The following VWF variants were observed in gnomAD, a reference collection of about 807,000 sequenced individuals.
The protein encoded by VWF is von Willebrand factor, also known as Factor VIII related antigen.
VWF carries 176 observed loss-of-function variants against 308.6 expected under a neutral mutation model. The ratio of observed to expected loss-of-function variants is 0.57; its 90% CI spans 0.50 to 0.65. The LOEUF (loss-of-function observed/expected upper bound fraction) is 0.65. Among genes scored for constraint, VWF ranks in the 30% least tolerant of loss-of-function variants. VWF has a pLI of 0.00. For synonymous variants in VWF, 1,385 were observed against 1,443.4 expected (o/e 0.96, Z 0.92); for missense variants, 3,146 against 3,648.2 (o/e 0.86, Z 3.55).
At chr12:6,041,530 C>T (rs1193441887) in intron 18 of VWF, among the ~76,000 whole-genome samples, 2 of 151,864 alleles carry the variant, frequency 1.3e-5, no homozygotes, top group Non-Finnish European at 2.9e-5. Context: ...CTCACTGCAA[C>T]CTCCGCCTCC....
intron 10 of VWF, among the ~76,000 whole-genome samples, chr12:6,070,512 G>C (rs1944767889): frequency 6.6e-6 from 1 of 152,218 alleles, no homozygotes; most frequent in South Asian, 2.1e-4. Flanking sequence ...GTGTGACTTT[G>C]GGCAAGTCAT....
intron 34 of VWF, among the ~76,000 whole-genome samples, chr12:6,003,703 A>G (rs1349922833): frequency 6.6e-6 from 1 of 152,124 alleles, no homozygotes; most frequent in South Asian, 2.1e-4. Context: ...GAAGGGGGAA[A>G]TGGGGTATCA....
At chr12:6,069,988 T>TAAA (rs995393934) in intron 10 of VWF, among the ~76,000 whole-genome samples, 1 of 152,198 alleles carries the variant, frequency 6.6e-6, no homozygotes, top group African/African-American at 2.4e-5. Context: ...TACAAACGTC[T>TAAA]AAAAAAACAC....
At chr12:5,987,778 T>C (rs945688559) in intron 38 of VWF, among the ~76,000 whole-genome samples, 1 of 152,194 alleles carries the variant, frequency 6.6e-6, no homozygotes, top group Admixed American at 6.5e-5. Flanking sequence ...TTATGTGAAA[T>C]TCCAGAAAAT....
At chr12:6,003,364 T>C (rs764479135) in intron 34 of VWF, among the ~76,000 whole-genome samples, 5 of 152,012 alleles carry the variant, frequency 3.3e-5, no homozygotes, top group Non-Finnish European at 7.4e-5. Flanking sequence ...GAGCAGAGTT[T>C]TGTCTGTTAC....
Position 6,110,783 on chromosome 12 carries a change from G to C in VWF, c.323+83C>G, listed in dbSNP as rs1945299515. ...TGGAACATTTGCTTCCATTCTCTGGGCCCCAGCTTCCTCATCTAAAAATGA... is the reference window on the plus strand; with the variant it reads ...TGGAACATTTGCTTCCATTCTCTGGCCCCCAGCTTCCTCATCTAAAAATGA... On this transcript the variant is annotated intron_variant, in intron 4 of 51. Transcript: ENST00000261405. 6.1e-6 allele frequency: 9 copies of C among 1,468,718 alleles called. No homozygotes were observed. The South Asian group carries it at 1.0e-4, about 17-fold the overall frequency. The allele number at this position is 1,468,718 out of a possible 1,614,324, so 91.0% of individuals were successfully genotyped here. A position where few individuals can be genotyped will look rare whatever the true frequency, so the allele number is the denominator to read the frequency against.
intron 39 of VWF, 45 bp downstream of exon 39, chr12:5,985,518 G>GC: frequency 1.3e-6 from 2 of 1,586,586 alleles, no homozygotes; most frequent in Non-Finnish European, 1.7e-6. Context: ...CCTTGCAGGG[G>GC]CCCTTGTTCC....
chr12:5,986,956 C>T (rs886297406), intron 38 of VWF, among the ~76,000 whole-genome samples: 3 of 152,200 alleles, frequency 2.0e-5, no homozygotes, highest in African/African-American at 4.8e-5. Context: ...GAGACAGAGT[C>T]GCACTCTCTC....
intron 3 of VWF, among the ~76,000 whole-genome samples, chr12:6,112,477 TA>T (rs1369980230): frequency 2.6e-5 from 4 of 152,034 alleles, no homozygotes; most frequent in Non-Finnish European, 4.4e-5. Flanking sequence ...ATAGGAAAGA[TA>T]GGGGCAGCCA....
At chr12:5,957,422 G>C (rs957014033) in intron 47 of VWF, among the ~76,000 whole-genome samples, 1 of 151,904 alleles carries the variant, frequency 6.6e-6, no homozygotes, top group Non-Finnish European at 1.5e-5. Context: ...CACAAATCCA[G>C]GAAACTATGA....
chr12:5,994,869 T>C (rs1943791657), intron 35 of VWF, among the ~76,000 whole-genome samples: 1 of 152,068 alleles, frequency 6.6e-6, no homozygotes, highest in South Asian at 2.1e-4. Flanking sequence ...AGCCTGGAGA[T>C]TAAAAGGAAC....
At chr12:6,118,833 G>A (rs1945398770) in intron 3 of VWF, among the ~76,000 whole-genome samples, 1 of 152,222 alleles carries the variant, frequency 6.6e-6, no homozygotes, top group Non-Finnish European at 1.5e-5. Flanking sequence ...AAGGTAGGGA[G>A]GGCATGAGCC....
intron 18 of VWF, among the ~76,000 whole-genome samples, chr12:6,042,518 C>T (rs1944406661): frequency 1.3e-5 from 2 of 152,186 alleles, no homozygotes; most frequent in African/African-American, 4.8e-5. Context: ...CGAATCTGGC[C>T]GCAATAATTT....
chr12:5,956,493 A>C (rs769698587), intron 47 of VWF, among the ~76,000 whole-genome samples: 62 of 152,230 alleles, frequency 4.1e-4, no homozygotes, highest in Admixed American at 1.9e-3. Context: ...ATTTTTAACA[A>C]AAAAGTTTAA....
chr12:6,042,038 A>G (rs2136438042), intron 18 of VWF, among the ~76,000 whole-genome samples: 1 of 152,306 alleles, frequency 6.6e-6, no homozygotes, highest in Non-Finnish European at 1.5e-5. Flanking sequence ...TGGGGCCCAC[A>G]GCCATGCATC....
rs749998649 is a variant in VWF, at chr12:5,948,981, G to C, written c.*34C>G. On this transcript the variant is annotated 3_prime_UTR_variant, in exon 52 of 52. Coordinates refer to ENST00000261405, the MANE Select transcript of VWF (RefSeq NM_000552.5). The surrounding 1 kb of genome is among the most constrained non-coding windows in gnomAD (Gnocchi z 4.4). ...CTGGCCTGGCCATCAGGCCAAGGCA[G>C]GCAGCAGCAGGCACCCATGCAGCTG... The C allele has an allele frequency of 3.8e-6, 6 of 1,598,374 alleles. No individual in the cohort carries two copies. Among genetic ancestry groups the C allele is most frequent in the Middle Eastern group, 1.9e-4 (1 of 5,228 alleles).
intron 38 of VWF, among the ~76,000 whole-genome samples, chr12:5,990,451 ATGT>A (rs1353840970): frequency 6.6e-6 from 1 of 152,124 alleles, no homozygotes; most frequent in East Asian, 1.9e-4. Flanking sequence ...AGTTACTGAA[ATGT>A]TGTTTTCACT....
chr12:6,066,368 C>T (rs1055088749), intron 10 of VWF, among the ~76,000 whole-genome samples: 1 of 152,240 alleles, frequency 6.6e-6, no homozygotes, highest in Non-Finnish European at 1.5e-5. Context: ...TTTCCTCCAC[C>T]TGCTCTCATC....
chr12:6,089,031 G>C (rs909749385), intron 6 of VWF, among the ~76,000 whole-genome samples: 2 of 152,194 alleles, frequency 1.3e-5, no homozygotes, highest in African/African-American at 2.4e-5. Flanking sequence ...AGGCTGTCAA[G>C]GAAAGTTTCA....
Sources: gnomAD v4.1 joint callset for allele counts (sites outside exome capture counted in the v4.1 genomes callset) on GRCh38, gnomAD v4.1.1 for gene constraint, Gnocchi (gnomAD v3.1) non-coding constraint, MANE v1.5 for transcripts, NCBI Gene and HGNC (gene_info 2026-07-23, HGNC 2026-07-21) for gene names.